Variants in MBD5 observed in about 807,000 individuals in gnomAD.
MBD5 encodes methyl-CpG-binding domain protein 5.
MBD5 carries 13 observed loss-of-function variants against 117.3 expected under a neutral mutation model. That is an observed-to-expected ratio of 0.11 (90% CI 0.07 to 0.18). The LOEUF (loss-of-function observed/expected upper bound fraction) is 0.18, where lower values mean the gene tolerates loss of function less well. MBD5 is among the 10% of genes least tolerant of loss of function. MBD5 has a pLI of 1.00. For missense variants in MBD5, 1,879 were observed against 2,093.8 expected (o/e 0.90, Z 2.00); for synonymous variants, 727 against 766.4 (o/e 0.95, Z 0.85).
At chr2:148,115,154 A>G (rs1696603325) in intron 1 of MBD5, among the ~76,000 whole-genome samples, 1 of 152,062 alleles carries the variant, frequency 6.6e-6, no homozygotes, top group Admixed American at 6.6e-5. Context: ...CTACATATAG[A>G]TTTATTTCCT....
At position 148,180,441 on chromosome 2, in the gene MBD5, A is replaced by G. The variant is rs144912863; in HGVS notation, c.-831+1648A>G. Among the ~76,000 whole-genome samples the G allele has an allele frequency of 7.0e-3, 1,044 of 149,808 alleles. 11 individuals are homozygous for G. Among genetic ancestry groups the G allele is most frequent in the African/African-American group, 0.024 (973 of 40,772 alleles). On this transcript the variant is annotated intron_variant, in intron 2 of 13. Coordinates refer to ENST00000642680, the MANE Select transcript of MBD5 (RefSeq NM_001378120.1). ...AGATTTGAGCTCCTGGGCTCCAGCA[A>G]TCCTCCCACCTCAGCCTCTCAAGCA...
intron 2 of MBD5, among the ~76,000 whole-genome samples, chr2:148,205,930 C>T (rs1446044977): frequency 2.0e-5 from 3 of 151,906 alleles, no homozygotes; most frequent in Non-Finnish European, 2.9e-5. Context: ...CACTTGAGCC[C>T]GGGAGTTCGA....
intron 1 of MBD5, among the ~76,000 whole-genome samples, chr2:148,045,092 A>G (rs1009380714): frequency 1.3e-5 from 2 of 152,186 alleles, no homozygotes; most frequent in Admixed American, 6.5e-5. Flanking sequence ...TAAGAGGTGT[A>G]TTATATTTTC....
At chr2:148,110,120 C>CT (rs1381356026) in intron 1 of MBD5, among the ~76,000 whole-genome samples, 1 of 152,076 alleles carries the variant, frequency 6.6e-6, no homozygotes, top group Non-Finnish European at 1.5e-5. Context: ...TACTAAGTGC[C>CT]TTTTTGTTGC....
At chr2:148,462,255 C>G (rs995772764) in intron 5 of MBD5, among the ~76,000 whole-genome samples, 15 of 152,198 alleles carry the variant, frequency 9.9e-5, no homozygotes, top group African/African-American at 3.4e-4. Flanking sequence ...ATGTAGTTTT[C>G]TTGTTCTTTG....
intron 8 of MBD5, chr2:148,471,855 C>G (rs766975277): frequency 2.6e-5 from 4 of 152,026 alleles, no homozygotes; most frequent in Non-Finnish European, 4.4e-5. Flanking sequence ...TTCACTCACT[C>G]ATCATATTTC....
chr2:148,422,975 G>A (rs572149468), intron 4 of MBD5, among the ~76,000 whole-genome samples: 59 of 152,218 alleles, frequency 3.9e-4, no homozygotes, highest in East Asian at 9.7e-4. Context: ...TGAAAGTGAC[G>A]GGGAGAATGG....
At chr2:148,093,328 A>G (rs1291581300) in intron 1 of MBD5, among the ~76,000 whole-genome samples, 1 of 152,212 alleles carries the variant, frequency 6.6e-6, no homozygotes, top group Non-Finnish European at 1.5e-5. Flanking sequence ...TAAACACTGG[A>G]AACTCCTAAG....
chr2:148,508,905 A>G (rs568493525), intron 12 of MBD5, among the ~76,000 whole-genome samples: 1 of 152,354 alleles, frequency 6.6e-6, no homozygotes, highest in South Asian at 2.1e-4. Flanking sequence ...CTCAAAGTGT[A>G]GACAGAAACT....
In MBD5 at chr2:148,126,397, C is replaced by T. The variant is rs1361592149; in HGVS notation, c.-924-52303C>T. On this transcript the variant is annotated intron_variant, in intron 1 of 13. Transcript: ENST00000642680. ...CTCCATCATGGGTGACAGAGGGAGA[C>T]TCCATCTCAAAAAAAAAAAAAAAAA... 5.0e-5 allele frequency among the ~76,000 whole-genome samples: 4 copies of T among 80,794 alleles called. No individual in the cohort carries two copies. In the East Asian group the frequency reaches 1.4e-3, roughly 27 times the overall value. The allele number at this position is 80,794 out of a possible 152,430, so 53.0% of individuals were successfully genotyped here.
rs371895503 is a variant in MBD5 at position 148,125,336 on chromosome 2, A to G, written c.-924-53364A>G. On this transcript the variant is annotated intron_variant, in intron 1 of 13. Transcript: ENST00000642680. ...TACTATTACCAAAAATGGTTTAGTA[A>G]GCATTCTTTGTCTACCTCAAATGTT... Among the ~76,000 whole-genome samples, 3 of 152,056 alleles carry G rather than the reference A, an allele frequency of 2.0e-5. No homozygotes were observed. In the East Asian group the frequency reaches 5.8e-4, roughly 29 times the overall value.
At chr2:148,134,290 A>T (rs1330680527) in intron 1 of MBD5, among the ~76,000 whole-genome samples, 1 of 152,200 alleles carries the variant, frequency 6.6e-6, no homozygotes, top group East Asian at 1.9e-4. Context: ...AAACACCCAT[A>T]TATACATATA....
chr2:148,130,648 C>G (rs1287013127), intron 1 of MBD5, among the ~76,000 whole-genome samples: 1 of 151,894 alleles, frequency 6.6e-6, no homozygotes, highest in African/African-American at 2.4e-5. Context: ...GACTCCTCAT[C>G]AGGGGAGACA....
In MBD5 at chr2:148,021,451, T is replaced by TTGCTGCTGCTGTTGC; in HGVS notation, c.-1146_-1132dup. On this transcript the variant is annotated 5_prime_UTR_variant, in exon 1 of 14. Transcript: ENST00000642680. ...AAAGCCTCTTAGCAACACAGACCCT[T>TTGCTGCTGCTGTTGC]TGCTGCTGCTGTTGCTGCTGCTGCT... 1 of 567,626 alleles carries TTGCTGCTGCTGTTGC rather than the reference T, an allele frequency of 1.8e-6. No individual in the cohort carries two copies. Among genetic ancestry groups the TTGCTGCTGCTGTTGC allele is most frequent in the Non-Finnish European group, 3.4e-6 (1 of 294,000 alleles). 35.2% of individuals were successfully genotyped at this position (567,626 alleles called of 1,614,324 possible). A position where few individuals can be genotyped will look rare whatever the true frequency, so the allele number is the denominator to read the frequency against.
intron 2 of MBD5, among the ~76,000 whole-genome samples, chr2:148,181,722 G>A (rs572113913): frequency 7.9e-5 from 12 of 151,956 alleles, no homozygotes; most frequent in African/African-American, 2.7e-4. Flanking sequence ...GTATGTGCTC[G>A]ATATTAATTT....
chr2:148,462,560 T>G (rs1328319392), intron 5 of MBD5, 22 bp from the exon 6 acceptor site: 2 of 1,458,368 alleles, frequency 1.4e-6, no homozygotes, highest in Non-Finnish European at 1.9e-6. Flanking sequence ...TTTCCTGATG[T>G]TTTTTTAAAC....
chr2:148,286,187 T>G (rs1351633461), intron 3 of MBD5, among the ~76,000 whole-genome samples: 1 of 152,338 alleles, frequency 6.6e-6, no homozygotes. Flanking sequence ...TTTTAATACA[T>G]GAACATATTT....
intron 1 of MBD5, among the ~76,000 whole-genome samples, chr2:148,130,722 A>G (rs1374098833): frequency 1.3e-5 from 2 of 152,170 alleles, no homozygotes; most frequent in Non-Finnish European, 2.9e-5. Context: ...TCACCAATCA[A>G]AAGTCCCAAG....
chr2:148,037,593 C>G (rs1694229578), intron 1 of MBD5, among the ~76,000 whole-genome samples: 1 of 151,734 alleles, frequency 6.6e-6, no homozygotes, highest in South Asian at 2.1e-4. Flanking sequence ...AATCCTGATT[C>G]AAGAGAATAG....
Sources: allele counts gnomAD v4.1 joint callset (sites outside exome capture counted in the v4.1 genomes callset), GRCh38; gene constraint gnomAD v4.1.1; transcripts MANE v1.5; gene names NCBI Gene and HGNC (gene_info 2026-07-23, HGNC 2026-07-21).